Variants in PPFIA2 observed in about 807,000 individuals in gnomAD.
The protein encoded by PPFIA2 is liprin-alpha-2.
Under a neutral mutation model 175.5 loss-of-function variants are expected in PPFIA2, and 46 were observed. The observed-to-expected ratio is 0.26, with a 90% confidence interval of 0.21 to 0.34. The LOEUF (loss-of-function observed/expected upper bound fraction) is 0.34, where lower values mean the gene tolerates loss of function less well. PPFIA2 is among the 10% of genes least tolerant of loss of function. PPFIA2 has a pLI of 1.00. For synonymous variants in PPFIA2, 568 were observed against 511.4 expected (o/e 1.11, Z -1.49); for missense variants, 1,179 against 1,506.1 (o/e 0.78, Z 3.60).
At chr12:81,591,404 C>T (rs551454990) in intron 4 of PPFIA2, among the ~76,000 whole-genome samples, 168 of 152,260 alleles carry the variant, frequency 1.1e-3, no homozygotes, top group Middle Eastern at 6.8e-3. Context: ...AAATTCAAGC[C>T]GGCTGCAGGA....
At chr12:81,554,183 G>A (rs1003425469) in intron 4 of PPFIA2, among the ~76,000 whole-genome samples, 4 of 151,988 alleles carry the variant, frequency 2.6e-5, no homozygotes, top group Admixed American at 2.6e-4. Flanking sequence ...GTAGGAAGAA[G>A]GGGATACAAG....
intron 4 of PPFIA2, among the ~76,000 whole-genome samples, chr12:81,570,480 C>T (rs1304387920): frequency 2.6e-5 from 4 of 152,040 alleles, no homozygotes; most frequent in Non-Finnish European, 5.9e-5. Context: ...GCAGTAAGGG[C>T]TGCTGCTATT....
Position 81,439,793 on chromosome 12 carries a change from T to C in PPFIA2, c.645+179A>G, listed in dbSNP as rs1193727626. ...TCCTTTGGTCTAGTAGTGACACATA[T>C]AAATAACCAAAAATCAGAAAACAAG... On this transcript the variant is annotated intron_variant, in intron 7 of 32. Coordinates refer to ENST00000549396, the MANE Select transcript of PPFIA2 (RefSeq NM_003625.5). 8 of 592,046 alleles carry C rather than the reference T, an allele frequency of 1.4e-5. No homozygotes were observed. The East Asian group carries it at 1.6e-4, about 12-fold the overall frequency. The allele number at this position is 592,046 out of a possible 1,614,324, so 36.7% of individuals were successfully genotyped here.
intron 4 of PPFIA2, among the ~76,000 whole-genome samples, chr12:81,560,304 G>A (rs1258216266): frequency 6.6e-6 from 1 of 151,862 alleles, no homozygotes; most frequent in African/African-American, 2.4e-5. Context: ...GAGAGAGACA[G>A]AGAGAACAGG....
chr12:81,261,296 A>T (rs1246972702), intron 32 of PPFIA2: 1 of 152,166 alleles, frequency 6.6e-6, no homozygotes, highest in Non-Finnish European at 1.5e-5. Flanking sequence ...CGCTCACTGC[A>T]ACTTCTGCCT....
chr12:81,388,935 C>G (rs1156314852), intron 8 of PPFIA2, among the ~76,000 whole-genome samples: 2 of 151,294 alleles, frequency 1.3e-5, no homozygotes, highest in Middle Eastern at 3.2e-3. Context: ...AAGCAGGTAC[C>G]AAGCATCCAC....
chr12:81,524,554 A>G (rs984465132), intron 4 of PPFIA2, among the ~76,000 whole-genome samples: 1 of 152,110 alleles, frequency 6.6e-6, no homozygotes, highest in Non-Finnish European at 1.5e-5. Context: ...GAAGCACATA[A>G]TTTGTTTTAT....
rs985476586 is a variant in PPFIA2, at chr12:81,417,584, C to A, written c.646-11681G>T. ...TAAAAAGGATTTATTCATTTAGTTCCTTTCTTAGAAATAACAAAAGCATAC... is the reference window on the plus strand; with the variant it reads ...TAAAAAGGATTTATTCATTTAGTTCATTTCTTAGAAATAACAAAAGCATAC... On this transcript the variant is annotated intron_variant, in intron 7 of 32. Coordinates refer to ENST00000549396, the MANE Select transcript of PPFIA2 (RefSeq NM_003625.5). Among the ~76,000 whole-genome samples the A allele has an allele frequency of 3.3e-5, 5 of 151,542 alleles. No individual in the cohort carries two copies. In the Admixed American group the frequency reaches 3.3e-4, roughly 10 times the overall value.
intron 6 of PPFIA2, among the ~76,000 whole-genome samples, chr12:81,443,878 A>T (rs2050717941): frequency 1.2e-5 from 1 of 85,580 alleles, no homozygotes; most frequent in Non-Finnish European, 2.1e-5. Flanking sequence ...TTTTTTTGAG[A>T]CGGAGTCTCG....
intron 4 of PPFIA2, among the ~76,000 whole-genome samples, chr12:81,481,815 C>T (rs2058262706): frequency 6.6e-6 from 1 of 152,160 alleles, no homozygotes; most frequent in African/African-American, 2.4e-5. Flanking sequence ...TAATACCATT[C>T]AGGACATAGG....
intron 7 of PPFIA2, among the ~76,000 whole-genome samples, chr12:81,427,557 C>G (rs997556551): frequency 1.8e-4 from 28 of 151,744 alleles, no homozygotes; most frequent in African/African-American, 6.5e-4. Flanking sequence ...CAGAATTATT[C>G]TATGAACAAA....
Position 81,605,984 on chromosome 12 carries a change from T to C in PPFIA2, c.303+70807A>G, listed in dbSNP as rs186411414. Among the ~76,000 whole-genome samples, 636 of 151,934 alleles carry C rather than the reference T, an allele frequency of 4.2e-3. 3 individuals carry two copies. Among genetic ancestry groups the C allele is most frequent in the African/African-American group, 0.014 (598 of 41,488 alleles). On this transcript the variant is annotated intron_variant, in intron 4 of 32. Coordinates refer to ENST00000549396, the MANE Select transcript of PPFIA2 (RefSeq NM_003625.5). ...CGCTACACTCCATCCCTTCCCACCA[T>C]AGTAGTCTACAGTGTCAATTGCTCC...
chr12:81,554,524 C>A (rs559834159), intron 4 of PPFIA2, among the ~76,000 whole-genome samples: 2 of 152,060 alleles, frequency 1.3e-5, no homozygotes, highest in Admixed American at 1.3e-4. Flanking sequence ...TCCAAATTGA[C>A]CAAGATTTAC....
At chr12:81,717,360 T>C (rs2078763320) in intron 3 of PPFIA2, among the ~76,000 whole-genome samples, 1 of 151,650 alleles carries the variant, frequency 6.6e-6, no homozygotes. Flanking sequence ...ATTTGGCCCA[T>C]AGATCATAGT....
chr12:81,381,790 C>G (rs1354218144), intron 9 of PPFIA2, among the ~76,000 whole-genome samples: 1 of 152,162 alleles, frequency 6.6e-6, no homozygotes, highest in East Asian at 1.9e-4. Flanking sequence ...GTTCATCTAT[C>G]TCTTTTTTTT....
At position 81,405,960 on chromosome 12, in the gene PPFIA2, G is replaced by T. The variant is rs145595650; in HGVS notation, c.646-57C>A. The T allele has an allele frequency of 3.7e-4, 365 of 980,844 alleles. 2 individuals carry two copies. The African/African-American group carries it at 4.9e-3, about 13-fold the overall frequency. 60.8% of individuals were successfully genotyped at this position (980,844 alleles called of 1,614,324 possible). On this transcript the variant is annotated intron_variant, in intron 7 of 32. Transcript: ENST00000549396. ...CTAAATAGGGAATAAAATATAAAAA[G>T]AAAATGAATTTACTTCAATGTGGTT...
intron 2 of PPFIA2, 58 bp downstream of exon 2, chr12:81,758,342 G>T: frequency 2.2e-6 from 1 of 455,048 alleles, no homozygotes; most frequent in Non-Finnish European, 4.4e-6. Context: ...TGGGGCCGGG[G>T]AGGTGGTCAA....
chr12:81,742,232 C>T (rs141307207), intron 3 of PPFIA2, among the ~76,000 whole-genome samples: 4 of 152,302 alleles, frequency 2.6e-5, no homozygotes, highest in East Asian at 1.9e-4. Flanking sequence ...GAGATTTGAG[C>T]AGATATGAAA....
chr12:81,445,862 C>A, intron 5 of PPFIA2, 142 bp from the exon 6 acceptor site: 1 of 668,112 alleles, frequency 1.5e-6, no homozygotes, highest in Non-Finnish European at 2.4e-6. Context: ...AACAAAGAAG[C>A]ACAGACCTGT....
Sources: gnomAD v4.1 joint callset for allele counts (sites outside exome capture counted in the v4.1 genomes callset) on GRCh38, gnomAD v4.1.1 for gene constraint, MANE v1.5 for transcripts, NCBI Gene and HGNC (gene_info 2026-07-23, HGNC 2026-07-21) for gene names.